ABCG2: variants seen among roughly 807,000 people sequenced by gnomAD.
ABCG2 encodes the protein ATP binding cassette subfamily G member 2 (JR blood group), also known as broad substrate specificity ATP-binding cassette transporter ABCG2.
A neutral mutation model predicts 73.5 loss-of-function variants in ABCG2; 80 were observed. The observed-to-expected ratio is 1.09, with a 90% CI of 0.91 to 1.31. The LOEUF (loss-of-function observed/expected upper bound fraction) is 1.31. ABCG2 is among the 50% of genes most tolerant of loss of function. ABCG2 has a pLI of 0.00. For missense variants in ABCG2, 796 were observed against 786.2 expected (o/e 1.01, Z -0.15); for synonymous variants, 269 against 282.4 (o/e 0.95, Z 0.48).
chr4:88,202,708 T>C lies in ABCG2; in HGVS notation c.-20+28286A>G, dbSNP rs1217160762. ...CAGAGGTTCTCCGGGGACCCCTTTATACTTGGCTGTCTCAGTAGTACACAC... is the reference window on the plus strand; with the variant it reads ...CAGAGGTTCTCCGGGGACCCCTTTACACTTGGCTGTCTCAGTAGTACACAC... On this transcript the variant is annotated intron_variant, in intron 1 of 15. Coordinates refer to the ABCG2 transcript ENST00000515655. Among the ~76,000 whole-genome samples the C allele has an allele frequency of 2.6e-5, 4 of 151,768 alleles. No individual in the cohort carries two copies. In the South Asian group the frequency reaches 6.2e-4, roughly 24 times the overall value.
At chr4:88,196,953 TG>T (rs1162802828) in intron 1 of ABCG2, among the ~76,000 whole-genome samples, 1 of 151,890 alleles carries the variant, frequency 6.6e-6, no homozygotes, top group Non-Finnish European at 1.5e-5. Context: ...ATGACCTTGG[TG>T]AAGGGAAATA....
upstream of ABCG2, chr4:88,163,816 G>A (rs1456426205): frequency 3.5e-6 from 1 of 286,144 alleles, no homozygotes; most frequent in South Asian, 3.7e-5. Flanking sequence ...AATAAGGAAT[G>A]TTCCATACCG....
rs886071026 is a variant in ABCG2, at chr4:88,194,418, C to T, written c.-20+36576G>A. Among the ~76,000 whole-genome samples, 4 of 151,952 alleles carry T rather than the reference C, an allele frequency of 2.6e-5. No homozygotes were observed. In the East Asian group the frequency reaches 5.9e-4, roughly 22 times the overall value. ...ACAAAAAATTAGCAGGGCATGGTGGCAGGCGCCTGTAGTCCCAGCTACTCG... is the reference window on the plus strand; with the variant it reads ...ACAAAAAATTAGCAGGGCATGGTGGTAGGCGCCTGTAGTCCCAGCTACTCG... On this transcript the variant is annotated intron_variant, in intron 1 of 15. Transcript: ENST00000515655.
intron 1 of ABCG2, among the ~76,000 whole-genome samples, chr4:88,192,586 A>C (rs1728734818): frequency 6.6e-6 from 1 of 151,128 alleles, no homozygotes; most frequent in Non-Finnish European, 1.5e-5. Flanking sequence ...AGCCCAGCTA[A>C]TTTTTGTATT....
intron 1 of ABCG2, among the ~76,000 whole-genome samples, chr4:88,205,356 T>C (rs1317197324): frequency 6.6e-6 from 1 of 152,228 alleles, no homozygotes. Context: ...TGTGTTCCAA[T>C]TATGTTTTGA....
intron 7 of ABCG2, among the ~76,000 whole-genome samples, chr4:88,117,169 C>G (rs958675917): frequency 1.2e-4 from 18 of 151,992 alleles, no homozygotes; most frequent in Middle Eastern, 3.4e-3. Context: ...ACAAAAAATA[C>G]AAAAATTAGA....
intron 1 of ABCG2, among the ~76,000 whole-genome samples, chr4:88,203,850 C>T (rs745668177): frequency 1.9e-4 from 29 of 148,864 alleles, no homozygotes; most frequent in Non-Finnish European, 3.1e-4. Flanking sequence ...CTGATATTAT[C>T]GGAATAAAAT....
At chr4:88,205,113 A>G (rs1729327141) in intron 1 of ABCG2, among the ~76,000 whole-genome samples, 1 of 152,184 alleles carries the variant, frequency 6.6e-6, no homozygotes, top group African/African-American at 2.4e-5. Flanking sequence ...AAGTACGTCT[A>G]CCAACAGGGG....
rs1722644363 is a variant in ABCG2, at chr4:88,104,496, C to T, written c.1277+2688G>A. Reference sequence around the variant, plus strand: ...CCAAATGCTTATTTAAAAAATGATACTGGGGTCAACGAGAAGCAGTGGGAG... The same window carrying T: ...CCAAATGCTTATTTAAAAAATGATATTGGGGTCAACGAGAAGCAGTGGGAG... On this transcript the variant is annotated intron_variant, in intron 10 of 15. Coordinates refer to ENST00000237612, the MANE Select transcript of ABCG2 (RefSeq NM_004827.3). Among the ~76,000 whole-genome samples the T allele has an allele frequency of 2.0e-5, 3 of 152,040 alleles. No individual in the cohort carries two copies. The South Asian group carries it at 6.2e-4, about 32-fold the overall frequency.
chr4:88,176,513 C>G (rs573889849), intron 1 of ABCG2, among the ~76,000 whole-genome samples: 2 of 122,102 alleles, frequency 1.6e-5, no homozygotes, highest in South Asian at 5.4e-4. Flanking sequence ...CAGGGTCTCA[C>G]TGTTTCACTC....
chr4:88,171,387 A>G (rs1008904447), intron 1 of ABCG2, among the ~76,000 whole-genome samples: 5 of 150,106 alleles, frequency 3.3e-5, no homozygotes, highest in African/African-American at 4.9e-5. Context: ...AACTAAAGAG[A>G]TGACTTAAAC....
Position 88,094,644 on chromosome 4 carries a change from C to T in ABCG2, c.1753G>A (p.Glu585Lys), listed in dbSNP as rs1423601232. ...RYGFTALQHN[E>K]FLGQNFCPGL... ...GGGCAGAAGTTTTGTCCCAAAAATT[C>T]ATTATGCTGCAAAGCCTATAACACA... Residue 585 changes from glutamate (E) to lysine (K), a missense_variant, in exon 15 of 16, where the codon GAA becomes AAA. Coordinates refer to ENST00000237612, the MANE Select transcript of ABCG2 (RefSeq NM_004827.3). 3 of 1,613,706 alleles carry T rather than the reference C, an allele frequency of 1.9e-6. No individual in the cohort carries two copies. Among genetic ancestry groups the T allele is most frequent in the African/African-American group, 2.7e-5 (2 of 75,046 alleles).
intron 1 of ABCG2, among the ~76,000 whole-genome samples, chr4:88,218,655 C>A (rs1729899962): frequency 6.6e-6 from 1 of 152,142 alleles, no homozygotes; most frequent in South Asian, 2.1e-4. Flanking sequence ...ATACTGATAG[C>A]TTAGCCCCTA....
intron 1 of ABCG2, among the ~76,000 whole-genome samples, chr4:88,200,298 A>G (rs1429890409): frequency 6.6e-6 from 1 of 152,096 alleles, no homozygotes; most frequent in Non-Finnish European, 1.5e-5. Flanking sequence ...TGTGCACTCC[A>G]ACCTGGGCAA....
chr4:88,205,766 T>C (rs1209583354), intron 1 of ABCG2, among the ~76,000 whole-genome samples: 1 of 152,204 alleles, frequency 6.6e-6, no homozygotes, highest in Non-Finnish European at 1.5e-5. Context: ...CACTGCAACC[T>C]CTGCCTCCCG....
intron 1 of ABCG2, among the ~76,000 whole-genome samples, chr4:88,150,686 T>C (rs1193149393): frequency 2.6e-5 from 4 of 152,266 alleles, no homozygotes; most frequent in East Asian, 1.9e-4. Flanking sequence ...AATCACATAA[T>C]GTTTTAAGAA....
At chr4:88,207,203 A>G (rs185196149) in intron 1 of ABCG2, among the ~76,000 whole-genome samples, 1 of 152,334 alleles carries the variant, frequency 6.6e-6, no homozygotes, top group Non-Finnish European at 1.5e-5. Context: ...AAAGAATATT[A>G]AAAGACTAGA....
In ABCG2 at chr4:88,090,861, A is replaced by T. The variant is rs1721597714; in HGVS notation, c.*1373T>A. ...TTAACTTGTTAGCTTTGACAAATGC[A>T]TCTTGCTATATAAAATGTTAACATT... is the stretch of plus-strand genomic sequence containing the variant. On this transcript the variant is annotated 3_prime_UTR_variant, in exon 16 of 16. Coordinates refer to ENST00000237612, the MANE Select transcript of ABCG2 (RefSeq NM_004827.3). 6.6e-6 allele frequency: 1 copy of T among 152,252 alleles called. No homozygotes were observed. Among genetic ancestry groups the T allele is most frequent in the African/African-American group, 2.4e-5 (1 of 41,470 alleles). The allele number at this position is 152,252 out of a possible 1,614,324, so 9.4% of individuals were successfully genotyped here. A position where few individuals can be genotyped will look rare whatever the true frequency, so the allele number is the denominator to read the frequency against.
chr4:88,101,798 T>TGCTG (rs1722441674), intron 10 of ABCG2, among the ~76,000 whole-genome samples: 1 of 152,166 alleles, frequency 6.6e-6, no homozygotes, highest in African/African-American at 2.4e-5. Flanking sequence ...AACCCAGCAA[T>TGCTG]GCTGGCATCC....
Sources: gnomAD v4.1 joint callset for allele counts (sites outside exome capture counted in the v4.1 genomes callset) on GRCh38, gnomAD v4.1.1 for gene constraint, MANE v1.5 for transcripts, NCBI Gene and HGNC (gene_info 2026-07-23, HGNC 2026-07-21) for gene names.